Variants in DCDC1 observed in about 807,000 individuals in gnomAD.
DCDC1 encodes the protein doublecortin domain-containing protein 1.
Under a neutral mutation model 178.3 loss-of-function variants are expected in DCDC1, and 200 were observed. The ratio of observed to expected loss-of-function variants is 1.12; its 90% CI spans 1.00 to 1.26. DCDC1 has a LOEUF of 1.26. DCDC1 is among the 50% of genes most tolerant of loss of function. The pLI is 0.00. For synonymous variants in DCDC1, 690 were observed against 604.8 expected (o/e 1.14, Z -2.07); for missense variants, 1,983 against 1,749.2 (o/e 1.13, Z -2.38).
At chr11:31,339,336 A>G (rs981659426) in intron 1 of DCDC1, among the ~76,000 whole-genome samples, 1 of 152,314 alleles carries the variant, frequency 6.6e-6, no homozygotes, top group African/African-American at 2.4e-5. Context: ...CACATTATCA[A>G]TAAGGAAGCA....
intron 38 of DCDC1, among the ~76,000 whole-genome samples, chr11:30,869,303 T>C (rs933510172): frequency 2.7e-4 from 41 of 152,244 alleles, no homozygotes; most frequent in African/African-American, 9.2e-4. Flanking sequence ...TGGATTGACA[T>C]AATGCACGTG....
At position 31,020,818 on chromosome 11, in the gene DCDC1, A is replaced by G. The variant is rs564887631; in HGVS notation, c.2591+43651T>C. Among the ~76,000 whole-genome samples the G allele has an allele frequency of 2.6e-5, 4 of 152,312 alleles. No individual in the cohort carries two copies. The East Asian group carries it at 7.7e-4, about 29-fold the overall frequency. ...AAACTTTTGCATGAAGTTATTCACT[A>G]TAAGTAAACTCGAAAAAAATTATAA... On this transcript the variant is annotated intron_variant, in intron 20 of 38. Transcript: ENST00000684477.
chr11:31,127,680 T>C (rs1350911508), intron 10 of DCDC1, 41 bp from the exon 11 acceptor site: 1 of 692,946 alleles, frequency 1.4e-6, no homozygotes, highest in South Asian at 1.5e-5. Context: ...CGAGAAGTAA[T>C]TGTTGATGTC....
chr11:30,894,302 C>A lies in DCDC1; in HGVS notation c.4848G>T (p.Trp1616Cys). Residue 1616 changes from tryptophan (W) to cysteine (C), a missense_variant, in exon 35 of 39, where the codon TGG becomes TGT. By Grantham distance (215) the Trp-to-Cys change is radical. Transcript: ENST00000684477. ...TAATTTCCTGTTGAGTCTGTTCGGT[C>A]CAGCCTCCTTCAACCACCACGGGCT... ...PVQPVVVEGG[W>C]TEQTQQEIKL... 6.2e-7 allele frequency: 1 copy of A among 1,613,866 alleles called. No homozygotes were observed. Among genetic ancestry groups the A allele is most frequent in the Non-Finnish European group, 8.5e-7 (1 of 1,179,824 alleles).
chr11:31,065,102 C>A lies in DCDC1; in HGVS notation c.2350G>T (p.Asp784Tyr), dbSNP rs1956173136. Reference protein sequence around the residue: ...TYLEELNAQVDVTQTEYHIHH... With the variant: ...TYLEELNAQVYVTQTEYHIHH... The stretch of plus-strand genomic sequence containing the variant: ...ATGTGATACTCTGTCTGGGTCACAT[C>A]TACTTGTGCATTTAGCTCCTCTAGG... The change falls in exon 19 of 39, where the codon GAT (aspartate) becomes TAT (tyrosine). Residue 784 changes from aspartate to tyrosine, a missense_variant. Transcript: ENST00000684477. The A allele has an allele frequency of 2.6e-6, 2 of 765,354 alleles. No homozygotes were observed. Among genetic ancestry groups the A allele is most frequent in the Non-Finnish European group, 4.8e-6 (2 of 417,502 alleles). 47.4% of individuals were successfully genotyped at this position (765,354 alleles called of 1,614,324 possible).
chr11:31,272,493 G>A (rs1406289619), intron 7 of DCDC1, among the ~76,000 whole-genome samples: 1 of 152,156 alleles, frequency 6.6e-6, no homozygotes, highest in African/African-American at 2.4e-5. Context: ...TTCCACCTAT[G>A]AGCCAGTAAA....
intron 9 of DCDC1, among the ~76,000 whole-genome samples, chr11:31,147,123 C>G (rs1385742236): frequency 6.6e-6 from 1 of 152,178 alleles, no homozygotes; most frequent in East Asian, 1.9e-4. Context: ...ACTCATCTGG[C>G]TGTTTGAGTT....
At chr11:31,289,009 G>T (rs1947033193) in intron 7 of DCDC1, among the ~76,000 whole-genome samples, 2 of 151,784 alleles carry the variant, frequency 1.3e-5, no homozygotes, top group Admixed American at 1.3e-4. Flanking sequence ...GTTCTATCAT[G>T]AATTTGTGAA....
At chr11:30,961,749 AAAAGG>A (rs1199156771) in intron 20 of DCDC1, among the ~76,000 whole-genome samples, 1 of 152,088 alleles carries the variant, frequency 6.6e-6, no homozygotes, top group Non-Finnish European at 1.5e-5. Context: ...ATCTCTGAAA[AAAAGG>A]AAAGGATAAG....
At chr11:31,267,297 TC>T (rs1348813489) in intron 7 of DCDC1, among the ~76,000 whole-genome samples, 7 of 152,144 alleles carry the variant, frequency 4.6e-5, no homozygotes, top group Admixed American at 4.6e-4. Context: ...TTCAAGTGAT[TC>T]TCCTGCCTCA....
At chr11:31,266,973 T>C (rs1025150253) in intron 7 of DCDC1, among the ~76,000 whole-genome samples, 1 of 152,210 alleles carries the variant, frequency 6.6e-6, no homozygotes, top group East Asian at 1.9e-4. Context: ...TCTTGGGCTG[T>C]ATGTACCAGA....
chr11:31,144,545 T>C (rs1964230852), intron 9 of DCDC1, among the ~76,000 whole-genome samples: 1 of 152,342 alleles, frequency 6.6e-6, no homozygotes, highest in African/African-American at 2.4e-5. Context: ...AGTTTCCCTG[T>C]ATTCACTAGT....
At chr11:31,165,429 AG>A (rs1966685900) in intron 9 of DCDC1, among the ~76,000 whole-genome samples, 1 of 151,808 alleles carries the variant, frequency 6.6e-6, no homozygotes, top group South Asian at 2.1e-4. Flanking sequence ...CTCCCACCTC[AG>A]CTTTTTGAGC....
chr11:31,108,576 G>T (rs571477714), intron 12 of DCDC1, among the ~76,000 whole-genome samples: 3 of 152,306 alleles, frequency 2.0e-5, no homozygotes, highest in South Asian at 4.1e-4. Flanking sequence ...AAGATTTAAG[G>T]CCTGATCCAG....
At chr11:31,245,526 ATTGTTTTTATTT>A (rs1251417105) in intron 8 of DCDC1, among the ~76,000 whole-genome samples, 6 of 151,800 alleles carry the variant, frequency 4.0e-5, no homozygotes, top group Non-Finnish European at 8.8e-5. Flanking sequence ...GATGTGTGCA[ATTGTTTTTATTT>A]TAATTTTCCT....
chr11:31,031,786 T>C (rs1413762134), intron 20 of DCDC1, among the ~76,000 whole-genome samples: 2 of 152,134 alleles, frequency 1.3e-5, no homozygotes, highest in Non-Finnish European at 2.9e-5. Context: ...CCTCAATCTA[T>C]GCTGGAATAA....
intron 21 of DCDC1, among the ~76,000 whole-genome samples, chr11:30,939,820 ACTT>A (rs1351532275): frequency 1.3e-5 from 2 of 152,038 alleles, no homozygotes; most frequent in Non-Finnish European, 2.9e-5. Flanking sequence ...GTTTTTTCAC[ACTT>A]CTTTTCTTAT....
chr11:30,908,208 A>G (rs1000304355), intron 29 of DCDC1, among the ~76,000 whole-genome samples: 1 of 152,220 alleles, frequency 6.6e-6, no homozygotes, highest in Non-Finnish European at 1.5e-5. Context: ...AAACCTATGA[A>G]GATTCTGGCC....
chr11:31,193,467 A>G (rs1490014200), intron 9 of DCDC1, among the ~76,000 whole-genome samples: 1 of 152,104 alleles, frequency 6.6e-6, no homozygotes, highest in Non-Finnish European at 1.5e-5. Context: ...TCAATCAGTA[A>G]GTATAATGAA....
Sources: gnomAD v4.1 joint callset for allele counts (sites outside exome capture counted in the v4.1 genomes callset) on GRCh38, gnomAD v4.1.1 for gene constraint, MANE v1.5 for transcripts, NCBI Gene and HGNC (gene_info 2026-07-23, HGNC 2026-07-21) for gene names.